The following SLC14A2 variants were observed in gnomAD, a reference collection of about 807,000 sequenced individuals.
SLC14A2 encodes urea transporter 2.
A neutral mutation model predicts 104.6 loss-of-function variants in SLC14A2; 91 were observed. The ratio of observed to expected loss-of-function variants is 0.87; its 90% CI spans 0.73 to 1.04. SLC14A2 has a LOEUF of 1.04. Among genes scored for constraint, SLC14A2 ranks in the 50% least tolerant of loss-of-function variants. The probability of loss-of-function intolerance (pLI) is 0.00; values close to 1 mark genes in which losing one functional copy is unlikely to be tolerated. For missense variants in SLC14A2, 1,189 were observed against 1,156.0 expected (o/e 1.03, Z -0.41); for synonymous variants, 476 against 466.4 (o/e 1.02, Z -0.27).
chr18:45,565,273 C>G (rs528899072), intron 2 of SLC14A2, among the ~76,000 whole-genome samples: 1 of 151,998 alleles, frequency 6.6e-6, no homozygotes, highest in Non-Finnish European at 1.5e-5. Context: ...TACAGGCGCC[C>G]GCCACCAAGC....
At chr18:45,479,665 T>TA (rs2087454884) in intron 1 of SLC14A2, among the ~76,000 whole-genome samples, 2 of 152,208 alleles carry the variant, frequency 1.3e-5, no homozygotes, top group Admixed American at 1.3e-4. Flanking sequence ...CCTCAGTTTT[T>TA]ATGGATGTAT....
At chr18:45,616,490 A>C (rs1320784817) in intron 1 of SLC14A2, among the ~76,000 whole-genome samples, 1 of 152,186 alleles carries the variant, frequency 6.6e-6, no homozygotes, top group Non-Finnish European at 1.5e-5. Flanking sequence ...TCAGACATGG[A>C]GCACCTCAGA....
At chr18:45,655,744 G>T (rs1327713424) in intron 10 of SLC14A2, among the ~76,000 whole-genome samples, 4 of 152,146 alleles carry the variant, frequency 2.6e-5, no homozygotes, top group Non-Finnish European at 5.9e-5. Flanking sequence ...CCTTTCAGGG[G>T]GTATTGCGAT....
At chr18:45,177,507 CTT>C in the SLC14A2 span, among the ~76,000 whole-genome samples, 1 of 152,120 alleles carries the variant, frequency 6.6e-6, no homozygotes. Context: ...CGCAGATTTT[CTT>C]TTAGTCCTGC....
intron 1 of SLC14A2, among the ~76,000 whole-genome samples, chr18:45,267,483 T>G (rs1395383101): frequency 6.6e-6 from 1 of 152,176 alleles, no homozygotes; most frequent in East Asian, 1.9e-4. Context: ...AAACTGGATA[T>G]TTTTAGGAGT....
At chr18:45,631,878 C>A (rs900415898) in intron 4 of SLC14A2, among the ~76,000 whole-genome samples, 2 of 152,176 alleles carry the variant, frequency 1.3e-5, no homozygotes, top group African/African-American at 4.8e-5. Context: ...CTTGGACTCC[C>A]AAAGTGCAGG....
chr18:45,659,603 T>C (rs1022504583), intron 10 of SLC14A2, among the ~76,000 whole-genome samples: 4 of 152,222 alleles, frequency 2.6e-5, no homozygotes, highest in Non-Finnish European at 5.9e-5. Flanking sequence ...TATCACCGTC[T>C]ATAAACTTCC....
At chr18:45,392,928 G>A (rs556736709) in intron 1 of SLC14A2, among the ~76,000 whole-genome samples, 32 of 152,248 alleles carry the variant, frequency 2.1e-4, no homozygotes, top group African/African-American at 4.3e-4. Flanking sequence ...CACTCTCAAC[G>A]TCTCCCCTTA....
intron 10 of SLC14A2, among the ~76,000 whole-genome samples, chr18:45,657,103 G>A (rs1239001622): frequency 6.6e-6 from 1 of 152,188 alleles, no homozygotes; most frequent in East Asian, 1.9e-4. Flanking sequence ...AGGAAAGGGA[G>A]CCATGGTTTA....
intron 1 of SLC14A2, among the ~76,000 whole-genome samples, chr18:45,245,602 G>A (rs2084360944): frequency 6.6e-6 from 1 of 152,186 alleles, no homozygotes; most frequent in Admixed American, 6.5e-5. Flanking sequence ...CTCTGACTTG[G>A]CCTTTACTTT....
chr18:45,308,907 G>A (rs557020248), intron 1 of SLC14A2, among the ~76,000 whole-genome samples: 1 of 152,228 alleles, frequency 6.6e-6, no homozygotes, highest in South Asian at 2.1e-4. Context: ...GGGTTTCCAT[G>A]ACTGGGATAG....
chr18:45,450,315 C>T (rs963584345), intron 1 of SLC14A2, among the ~76,000 whole-genome samples: 3 of 152,136 alleles, frequency 2.0e-5, no homozygotes, highest in African/African-American at 7.2e-5. Flanking sequence ...GTGCATTTTC[C>T]CATCCTTTTA....
At chr18:45,644,438 C>T in intron 10 of SLC14A2, 1 of 326,692 alleles carries the variant, frequency 3.1e-6, no homozygotes, top group Non-Finnish European at 5.6e-6. Flanking sequence ...ATGTTGTTGA[C>T]TTAAAACAAA....
chr18:45,515,011 G>T (rs1298597337), intron 2 of SLC14A2, among the ~76,000 whole-genome samples: 1 of 152,176 alleles, frequency 6.6e-6, no homozygotes, highest in Non-Finnish European at 1.5e-5. Flanking sequence ...AGAACCCCAT[G>T]AAGCATCCTG....
At chr18:45,415,986 G>A (rs555383298) in intron 1 of SLC14A2, among the ~76,000 whole-genome samples, 2 of 152,198 alleles carry the variant, frequency 1.3e-5, no homozygotes, top group African/African-American at 4.8e-5. Flanking sequence ...AATTGATGCT[G>A]GCAAACTCGA....
At chr18:45,669,728 G>A (rs12958162) in intron 16 of SLC14A2, among the ~76,000 whole-genome samples, 41,945 of 152,156 alleles carry the variant, frequency 0.28, 6,804 homozygotes, top group Middle Eastern at 0.39. Context: ...CTGCGGCCAC[G>A]TTAAGAGACC....
intron 1 of SLC14A2, chr18:45,440,489 A>T (rs1285081379): frequency 6.6e-6 from 1 of 152,236 alleles, no homozygotes; most frequent in Admixed American, 6.5e-5. Flanking sequence ...GCCAGACCAC[A>T]TGTCCACATC....
chr18:45,171,187 T>C, the SLC14A2 span, among the ~76,000 whole-genome samples: 1 of 152,122 alleles, frequency 6.6e-6, no homozygotes, highest in Non-Finnish European at 1.5e-5. Context: ...TCATGAAACA[T>C]ACTTGCACAA....
At chr18:45,558,646 C>T (rs2044162454) in intron 2 of SLC14A2, among the ~76,000 whole-genome samples, 1 of 122,616 alleles carries the variant, frequency 8.2e-6, no homozygotes, top group Non-Finnish European at 1.7e-5. Context: ...GAGCCAAAGT[C>T]AGGTTGGGTC....
Sources: gnomAD v4.1 joint callset for allele counts (sites outside exome capture counted in the v4.1 genomes callset) on GRCh38, gnomAD v4.1.1 for gene constraint, MANE v1.5 for transcripts, NCBI Gene and HGNC (gene_info 2026-07-23, HGNC 2026-07-21) for gene names.